The following DLG2 variants were observed in gnomAD, a reference collection of about 807,000 sequenced individuals.
DLG2 encodes the protein disks large homolog 2.
In DLG2, 45 loss-of-function variants were observed where a neutral mutation model predicts 132.5. The observed-to-expected ratio is 0.34, with a 90% CI of 0.27 to 0.44. DLG2 has a LOEUF of 0.44. Ranked by LOEUF, DLG2 falls within the 20% of genes least tolerant of loss-of-function variation. The probability of loss-of-function intolerance (pLI) is 1.00; values close to 1 mark genes in which losing one functional copy is unlikely to be tolerated. For missense variants in DLG2, 1,045 were observed against 1,196.9 expected, an observed-to-expected ratio of 0.87 and a Z score of 1.87; for synonymous variants, 424 against 419.6, an observed-to-expected ratio of 1.01 and a Z score of -0.13.
At chr11:83,743,449 T>TTTTTTTTTTTTTTTTTTTC (rs1555372680) in intron 18 of DLG2, among the ~76,000 whole-genome samples, 2 of 124,094 alleles carry the variant, frequency 1.6e-5, no homozygotes, top group African/African-American at 4.1e-5. Context: ...TTTTTTTTTT[T>TTTTTTTTTTTTTTTTTTTC]ATGACAGGGT....
chr11:83,825,186 T>A lies in DLG2; in HGVS notation c.1722+8428A>T, dbSNP rs1471346972. Reference sequence around the variant, plus strand: ...ATATATATATATTTTTTTTTTTTTTTTTTTTTTTTTTTGAGATGGAATTTC... The same window carrying A: ...ATATATATATATTTTTTTTTTTTTTATTTTTTTTTTTTGAGATGGAATTTC... On this transcript the variant is annotated intron_variant, in intron 17 of 27. Transcript: ENST00000376104. 3.7e-4 allele frequency among the ~76,000 whole-genome samples: 49 copies of A among 131,536 alleles called. 1 individual carries two copies. Among genetic ancestry groups the A allele is most frequent in the African/African-American group, 9.0e-4 (31 of 34,482 alleles). 86.3% of individuals were successfully genotyped at this position (131,536 alleles called of 152,430 possible). A position where few individuals can be genotyped will look rare whatever the true frequency, so the allele number is the denominator to read the frequency against.
intron 7 of DLG2, among the ~76,000 whole-genome samples, chr11:84,485,014 T>G (rs2099147227): frequency 6.6e-6 from 1 of 152,158 alleles, no homozygotes; most frequent in Non-Finnish European, 1.5e-5. Context: ...CCATGTAAGG[T>G]AAATTTAATC....
intron 6 of DLG2, among the ~76,000 whole-genome samples, chr11:85,075,229 C>G (rs927497206): frequency 1.3e-5 from 2 of 151,824 alleles, no homozygotes; most frequent in African/African-American, 4.8e-5. Flanking sequence ...TAAATTTGTA[C>G]AGCCACTTTG....
At chr11:83,498,845 AC>A (rs1248912773) in intron 21 of DLG2, among the ~76,000 whole-genome samples, 1 of 151,842 alleles carries the variant, frequency 6.6e-6, no homozygotes. Flanking sequence ...ACAAAGATTT[AC>A]ATTGCAAACA....
chr11:85,171,433 C>T (rs768903003), intron 4 of DLG2, among the ~76,000 whole-genome samples: 5 of 152,160 alleles, frequency 3.3e-5, no homozygotes, highest in South Asian at 2.1e-4. Flanking sequence ...TGAGCCAATG[C>T]GACCAGGGCC....
intron 6 of DLG2, among the ~76,000 whole-genome samples, chr11:84,832,623 A>T (rs1021389517): frequency 1.3e-5 from 2 of 151,692 alleles, no homozygotes; most frequent in Non-Finnish European, 3.0e-5. Context: ...CCTGAAAAGC[A>T]ACATAAATAA....
intron 3 of DLG2, among the ~76,000 whole-genome samples, chr11:85,583,114 GTGTGTGTGTGTGTGTGTA>G (rs1213835591): frequency 5.1e-4 from 28 of 54,812 alleles, no homozygotes; most frequent in African/African-American, 1.5e-3. Flanking sequence ...GTGTGTGTGT[GTGTGTGTGTGTGTGTGTA>G]TATATATATA....
chr11:84,882,378 G>A (rs1167974012), intron 6 of DLG2, among the ~76,000 whole-genome samples: 1 of 152,064 alleles, frequency 6.6e-6, no homozygotes, highest in Non-Finnish European at 1.5e-5. Context: ...ATCGGGGAAA[G>A]TTTGGGATTT....
intron 6 of DLG2, among the ~76,000 whole-genome samples, chr11:84,989,336 C>T (rs575590216): frequency 1.8e-3 from 273 of 152,144 alleles, no homozygotes; most frequent in African/African-American, 5.3e-3. Context: ...CCACCACGCC[C>T]GGCTAATTTT....
chr11:85,615,121 T>C (rs1591332400), intron 2 of DLG2, among the ~76,000 whole-genome samples: 1 of 152,202 alleles, frequency 6.6e-6, no homozygotes, highest in East Asian at 1.9e-4. Flanking sequence ...TAAATTTATA[T>C]CTCTCCTTTC....
chr11:84,224,413 T>C (rs767972307), intron 8 of DLG2, among the ~76,000 whole-genome samples: 12 of 152,204 alleles, frequency 7.9e-5, no homozygotes, highest in Non-Finnish European at 1.6e-4. Context: ...TTAGGAATTA[T>C]TGAATAAAAT....
At chr11:84,410,892 T>A (rs2098898684) in intron 7 of DLG2, among the ~76,000 whole-genome samples, 1 of 152,186 alleles carries the variant, frequency 6.6e-6, no homozygotes, top group Admixed American at 6.5e-5. Flanking sequence ...GTTAATAAAT[T>A]TTTAAGAGCT....
At chr11:85,087,042 C>G (rs925649037) in intron 6 of DLG2, among the ~76,000 whole-genome samples, 3 of 152,104 alleles carry the variant, frequency 2.0e-5, no homozygotes, top group African/African-American at 7.2e-5. Context: ...TTGCTCTGTT[C>G]ATTCATTTGC....
At chr11:84,222,036 T>A (rs947370274) in intron 8 of DLG2, among the ~76,000 whole-genome samples, 2 of 152,148 alleles carry the variant, frequency 1.3e-5, no homozygotes, top group African/African-American at 2.4e-5. Flanking sequence ...AGTTCTATTT[T>A]TTTTATTTTT....
At chr11:83,917,699 T>C (rs1343279846) in intron 15 of DLG2, among the ~76,000 whole-genome samples, 1 of 152,180 alleles carries the variant, frequency 6.6e-6, no homozygotes, top group Non-Finnish European at 1.5e-5. Flanking sequence ...ATGTGAACTC[T>C]TCCTTTGAGC....
At chr11:84,502,386 CTTTCTTTCTTTCTTTCTTTCTT>C (rs2099221212) in intron 7 of DLG2, among the ~76,000 whole-genome samples, 2 of 90,744 alleles carry the variant, frequency 2.2e-5, no homozygotes, top group South Asian at 3.2e-4. Context: ...TTCTTTCTTT[CTTTCTTTCTTTCTTTCTTTCTT>C]TCTTTCTATA....
chr11:85,055,509 C>T (rs2063359413), intron 6 of DLG2, among the ~76,000 whole-genome samples: 1 of 152,144 alleles, frequency 6.6e-6, no homozygotes, highest in Non-Finnish European at 1.5e-5. Context: ...GACTGTGAAG[C>T]TGAACAGAGA....
intron 4 of DLG2, among the ~76,000 whole-genome samples, chr11:85,240,160 T>C (rs75456563): frequency 0.029 from 4,340 of 152,028 alleles, 90 homozygotes; most frequent in Non-Finnish European, 0.045. Flanking sequence ...TGAACTTATC[T>C]TTATATATTT....
chr11:83,534,630 C>T (rs930073120), intron 20 of DLG2, among the ~76,000 whole-genome samples: 1 of 152,132 alleles, frequency 6.6e-6, no homozygotes, highest in South Asian at 2.1e-4. Flanking sequence ...TCAACTCTAA[C>T]GTAATATATT....
Sources: allele counts gnomAD v4.1 joint callset (sites outside exome capture counted in the v4.1 genomes callset), GRCh38; gene constraint gnomAD v4.1.1; transcripts MANE v1.5; gene names NCBI Gene and HGNC (gene_info 2026-07-23, HGNC 2026-07-21).